EBF1: variants seen among roughly 807,000 people sequenced by gnomAD.
The protein encoded by EBF1 is transcription factor COE1.
In EBF1, 10 loss-of-function variants were observed where a neutral mutation model predicts 68.4. The ratio of observed to expected loss-of-function variants is 0.15; its 90% CI spans 0.09 to 0.25. The LOEUF (loss-of-function observed/expected upper bound fraction) is 0.25. EBF1 is among the 10% of genes least tolerant of loss of function. The pLI, the probability that EBF1 is intolerant of heterozygous loss-of-function variation, is 1.00. For synonymous variants in EBF1, 298 were observed against 299.8 expected (o/e 0.99, Z 0.06); for missense variants, 509 against 794.4 (o/e 0.64, Z 4.32).
At chr5:158,926,504 T>A (rs1441803485) in intron 6 of EBF1, among the ~76,000 whole-genome samples, 3 of 151,902 alleles carry the variant, frequency 2.0e-5, no homozygotes, top group African/African-American at 7.3e-5. Context: ...AGTGGGTGGA[T>A]CACAAGGTCA....
intron 4 of EBF1, among the ~76,000 whole-genome samples, chr5:159,092,176 T>G (rs1268649747): frequency 6.6e-6 from 1 of 152,192 alleles, no homozygotes; most frequent in Non-Finnish European, 1.5e-5. Flanking sequence ...CAGTAGATAT[T>G]GTTTCTGGAT....
At chr5:158,789,671 TCACAAAATAAG>T (rs778355242) in intron 9 of EBF1, among the ~76,000 whole-genome samples, 27 of 152,220 alleles carry the variant, frequency 1.8e-4, no homozygotes, top group Admixed American at 5.2e-4. Context: ...CTCTTTTTCC[TCACAAAATAAG>T]AAACTATACT....
At chr5:159,048,040 T>C (rs535395226) in intron 6 of EBF1, among the ~76,000 whole-genome samples, 1 of 152,290 alleles carries the variant, frequency 6.6e-6, no homozygotes, top group South Asian at 2.1e-4. Flanking sequence ...ACATGCTCCA[T>C]GTGGAAATAC....
chr5:158,992,980 G>A (rs2127615784), intron 6 of EBF1, among the ~76,000 whole-genome samples: 1 of 123,132 alleles, frequency 8.1e-6, no homozygotes, highest in Middle Eastern at 6.4e-3. Flanking sequence ...CCAGGCTAGA[G>A]TGCAATGGAG....
At chr5:158,710,441 T>G (rs909943687) in intron 14 of EBF1, among the ~76,000 whole-genome samples, 2 of 152,232 alleles carry the variant, frequency 1.3e-5, no homozygotes, top group Non-Finnish European at 2.9e-5. Context: ...CGAAACATTT[T>G]CTGACTGAAT....
chr5:158,966,448 A>G lies in EBF1; in HGVS notation c.554+106948T>C, dbSNP rs1754138818. Among the ~76,000 whole-genome samples the G allele has an allele frequency of 2.6e-5, 4 of 152,158 alleles. No individual in the cohort carries two copies. In the South Asian group the frequency reaches 8.3e-4, roughly 32 times the overall value. ...TGCCTTCATTTCCCCTCTCTACAAA[A>G]GCAGCATTACAGTCAAATCTCAGAC... On this transcript the variant is annotated intron_variant, in intron 6 of 15. Transcript: ENST00000313708.
chr5:158,871,946 AAGG>A (rs1446647780), intron 6 of EBF1, among the ~76,000 whole-genome samples: 2 of 152,230 alleles, frequency 1.3e-5, no homozygotes, highest in Non-Finnish European at 2.9e-5. Context: ...AGCCTAAAAG[AAGG>A]CAGGTAGTTA....
intron 6 of EBF1, among the ~76,000 whole-genome samples, chr5:158,907,223 C>T (rs907614239): frequency 2.0e-5 from 3 of 152,090 alleles, no homozygotes; most frequent in East Asian, 1.9e-4. Context: ...AACAGTGGAG[C>T]GAAGGTGACA....
chr5:159,080,821 T>C (rs1283454459), intron 5 of EBF1, among the ~76,000 whole-genome samples: 1 of 152,202 alleles, frequency 6.6e-6, no homozygotes. Flanking sequence ...AGTAACTTCC[T>C]TGCCTTCAAA....
Position 158,930,055 on chromosome 5 carries a change from A to G in EBF1, c.555-89945T>C, listed in dbSNP as rs114293835. Among the ~76,000 whole-genome samples, 919 of 152,322 alleles carry G rather than the reference A, an allele frequency of 6.0e-3. 10 individuals carry two copies. The highest frequency in any genetic ancestry group is 0.021 in the African/African-American group (863 of 41,578). On this transcript the variant is annotated intron_variant, in intron 6 of 15. Transcript: ENST00000313708. Reference sequence around the variant, plus strand: ...GCGTGCTGTTAAATGTGTTTATTCTATAATGTCATCAAAGGTGATTGTTTT... The same window carrying G: ...GCGTGCTGTTAAATGTGTTTATTCTGTAATGTCATCAAAGGTGATTGTTTT...
At chr5:158,715,240 G>A (rs1760395586) in intron 11 of EBF1, among the ~76,000 whole-genome samples, 1 of 152,194 alleles carries the variant, frequency 6.6e-6, no homozygotes, top group Admixed American at 6.5e-5. Flanking sequence ...TCAAACAGAA[G>A]TGTAACTTTA....
At chr5:158,996,348 T>C (rs1172696227) in intron 6 of EBF1, among the ~76,000 whole-genome samples, 1 of 152,330 alleles carries the variant, frequency 6.6e-6, no homozygotes, top group South Asian at 2.1e-4. Flanking sequence ...TTTGCTACAA[T>C]TTTCTCTAAT....
chr5:158,882,265 C>T (rs752499056), intron 6 of EBF1, among the ~76,000 whole-genome samples: 2 of 152,190 alleles, frequency 1.3e-5, no homozygotes, highest in Non-Finnish European at 2.9e-5. Flanking sequence ...TATCTATTTA[C>T]ACAAGAGCAA....
chr5:158,934,178 C>T (rs1192746686), intron 6 of EBF1, among the ~76,000 whole-genome samples: 1 of 152,136 alleles, frequency 6.6e-6, no homozygotes, highest in Non-Finnish European at 1.5e-5. Flanking sequence ...ATGACACAGA[C>T]TCTCCTGAAT....
chr5:158,719,745 C>A (rs1234817789), intron 11 of EBF1, among the ~76,000 whole-genome samples: 2 of 152,116 alleles, frequency 1.3e-5, no homozygotes, highest in African/African-American at 4.8e-5. Flanking sequence ...CTGATAGATA[C>A]CCATACACGA....
chr5:159,058,432 G>A (rs1358978956), intron 6 of EBF1, among the ~76,000 whole-genome samples: 1 of 152,158 alleles, frequency 6.6e-6, no homozygotes, highest in Non-Finnish European at 1.5e-5. Context: ...GGGACCCTGG[G>A]GAATTGTCCA....
chr5:158,943,704 G>A (rs1270894477), intron 6 of EBF1, among the ~76,000 whole-genome samples: 1 of 152,158 alleles, frequency 6.6e-6, no homozygotes, highest in Non-Finnish European at 1.5e-5. Flanking sequence ...TGGGAAAACT[G>A]TGAACCATCT....
chr5:159,050,859 A>G (rs1773467722), intron 6 of EBF1, among the ~76,000 whole-genome samples: 1 of 152,126 alleles, frequency 6.6e-6, no homozygotes, highest in Admixed American at 6.5e-5. Flanking sequence ...TTAATTCCCC[A>G]TTCTGGCAAA....
intron 10 of EBF1, among the ~76,000 whole-genome samples, chr5:158,751,501 A>G (rs1768898034): frequency 6.6e-6 from 1 of 152,112 alleles, no homozygotes; most frequent in African/African-American, 2.4e-5. Flanking sequence ...TTTAAAAGAC[A>G]TACGTAGTTA....
Sources: gnomAD v4.1 joint callset for allele counts (sites outside exome capture counted in the v4.1 genomes callset) on GRCh38, gnomAD v4.1.1 for gene constraint, MANE v1.5 for transcripts, NCBI Gene and HGNC (gene_info 2026-07-23, HGNC 2026-07-21) for gene names.